Variants in CATIP observed in about 807,000 individuals in gnomAD.
CATIP encodes ciliogenesis associated TTC17 interacting protein.
A neutral mutation model predicts 42.5 loss-of-function variants in CATIP; 40 were observed. The observed-to-expected ratio is 0.94, with a 90% CI of 0.73 to 1.22. The LOEUF (loss-of-function observed/expected upper bound fraction) is 1.22. CATIP is among the 50% of genes most tolerant of loss of function. The probability of loss-of-function intolerance (pLI) is 0.00; values close to 1 mark genes in which losing one functional copy is unlikely to be tolerated. For synonymous variants in CATIP, 222 were observed against 200.2 expected, an observed-to-expected ratio of 1.11 and a Z score of -0.92; for missense variants, 489 against 496.0, an observed-to-expected ratio of 0.99 and a Z score of 0.13.
At chr2:218,357,797 T>C (rs1365287903) in intron 3 of CATIP, 63 bp downstream of exon 3, 1 of 1,513,850 alleles carries the variant, frequency 6.6e-7, no homozygotes, top group East Asian at 2.3e-5. Flanking sequence ...CCTCCACCAA[T>C]TCCTAGAATC....
chr2:218,367,395 G>T (rs779093110), intron 8 of CATIP, 35 bp from the exon 9 acceptor site: 54 of 1,586,896 alleles, frequency 3.4e-5, no homozygotes, highest in Non-Finnish European at 4.7e-5. Flanking sequence ...AGGTTCCGGG[G>T]TAGGGACGCC....
chr2:218,364,538 T>G, intron 6 of CATIP, 90 bp from the exon 7 acceptor site: 260 of 1,518,914 alleles, frequency 1.7e-4, no homozygotes, highest in Non-Finnish European at 2.1e-4. Flanking sequence ...GAGGTTGTTA[T>G]GAGATGGAGA....
At chr2:218,358,755 G>C (rs565497702) in intron 4 of CATIP, among the ~76,000 whole-genome samples, 3 of 151,544 alleles carry the variant, frequency 2.0e-5, no homozygotes, top group Non-Finnish European at 2.9e-5. Context: ...GTGGTAATGT[G>C]TGTCTGTAGT....
chr2:218,361,059 G>A (rs1430027995), intron 5 of CATIP, among the ~76,000 whole-genome samples: 2 of 151,898 alleles, frequency 1.3e-5, no homozygotes, highest in Non-Finnish European at 2.9e-5. Context: ...TCAAACTCCC[G>A]ACCTCAGGTG....
rs1248275788 is a variant in CATIP, at chr2:218,356,992, T to C, written c.25+83T>C. 16 of 1,587,756 alleles carry C rather than the reference T, an allele frequency of 1.0e-5. No individual in the cohort carries two copies. In the Admixed American group the frequency reaches 2.6e-4, roughly 25 times the overall value. On this transcript the variant is annotated intron_variant, in intron 1 of 9. Transcript: ENST00000289388. ...CCCTCGGGGTAGTCTTAGAGGATTC[T>C]GTTCTTGGGTGCTGGGGCCAGGACT...
intron 7 of CATIP, 45 bp from the exon 8 acceptor site, chr2:218,366,979 C>T (rs201849108): frequency 3.3e-5 from 47 of 1,416,138 alleles, no homozygotes; most frequent in East Asian, 2.5e-4. Context: ...CCATAGCAGG[C>T]GGTCTGGGAA....
intron 8 of CATIP, 88 bp from the exon 9 acceptor site, chr2:218,367,342 C>T (rs1695485505): frequency 7.9e-7 from 1 of 1,259,170 alleles, no homozygotes; most frequent in African/African-American, 1.5e-5. Flanking sequence ...TCACCTGAGC[C>T]TTCTGTTTGG....
chr2:218,359,930 T>G (rs1574736417), intron 4 of CATIP, among the ~76,000 whole-genome samples: 1 of 151,982 alleles, frequency 6.6e-6, no homozygotes, highest in Non-Finnish European at 1.5e-5. Context: ...GTTCAAGCAA[T>G]TCTCCTGTCT....
At chr2:218,360,119 C>G (rs1420656235) in intron 4 of CATIP, among the ~76,000 whole-genome samples, 1 of 151,246 alleles carries the variant, frequency 6.6e-6, no homozygotes, top group African/African-American at 2.4e-5. Flanking sequence ...AGCCACAACA[C>G]CTGGCCCTGC....
At chr2:218,358,153 A>T (rs1338659025) in intron 4 of CATIP, 61 bp downstream of exon 4, 10 of 1,435,626 alleles carry the variant, frequency 7.0e-6, no homozygotes, top group Non-Finnish European at 9.6e-6. Context: ...TTTTGACTTA[A>T]AAAACAGCAG....
At chr2:218,363,795 G>A (rs1695326695) in intron 6 of CATIP, among the ~76,000 whole-genome samples, 1 of 151,778 alleles carries the variant, frequency 6.6e-6, no homozygotes, top group Admixed American at 6.6e-5. Context: ...GGCAACAGAG[G>A]GAGACTCTGT....
chr2:218,357,490 C>A, intron 2 of CATIP, 44 bp from the exon 3 acceptor site: 3 of 1,548,472 alleles, frequency 1.9e-6, no homozygotes. Context: ...GATTGGGGCC[C>A]AGGAGCAGGG....
chr2:218,363,503 A>C (rs1399361987), intron 6 of CATIP, among the ~76,000 whole-genome samples: 7 of 149,822 alleles, frequency 4.7e-5, no homozygotes, highest in African/African-American at 7.4e-5. Flanking sequence ...AAAAACAAAA[A>C]AAAAAAAACG....
At chr2:218,357,259 G>GTCCCTCTCTCTCTCTCTC in intron 2 of CATIP, 72 bp downstream of exon 2, 2 of 605,428 alleles carry the variant, frequency 3.3e-6, no homozygotes, top group Non-Finnish European at 5.6e-6. Flanking sequence ...AGAAAGTCCA[G>GTCCCTCTCTCTCTCTCTC]TCTCTCTCTC....
chr2:218,367,259 C>T (rs2106319949), intron 8 of CATIP, 159 bp downstream of exon 8: 1 of 775,222 alleles, frequency 1.3e-6, no homozygotes, highest in East Asian at 2.6e-5. Flanking sequence ...TGACCCCAAG[C>T]AATAAGAGGA....
At chr2:218,367,223 C>A in intron 8 of CATIP, 123 bp downstream of exon 8, 2 of 816,060 alleles carry the variant, frequency 2.5e-6, no homozygotes, top group Non-Finnish European at 2.0e-6. Context: ...CTGGAATCAG[C>A]TGGAGAACAT....
chr2:218,361,002 G>A (rs1235442355), intron 5 of CATIP, among the ~76,000 whole-genome samples: 1 of 151,668 alleles, frequency 6.6e-6, no homozygotes, highest in African/African-American at 2.4e-5. Flanking sequence ...GGCTAATTCT[G>A]TATTTTTAGT....
chr2:218,366,074 T>A (rs1364524809), intron 7 of CATIP: 1 of 149,750 alleles, frequency 6.7e-6, no homozygotes, highest in Non-Finnish European at 1.5e-5. Flanking sequence ...CTTGGCCTCC[T>A]AAAGTGCTGG....
rs1309082195 is a variant in CATIP, at chr2:218,360,756, G to A, written c.462+97G>A. The A allele has an allele frequency of 5.4e-6, 5 of 923,728 alleles. No homozygotes were observed. In the Admixed American group the frequency reaches 1.0e-4, roughly 19 times the overall value. The allele number at this position is 923,728 out of a possible 1,614,324, so 57.2% of individuals were successfully genotyped here. A position where few individuals can be genotyped will look rare whatever the true frequency, so the allele number is the denominator to read the frequency against. On this transcript the variant is annotated intron_variant, in intron 5 of 9. Coordinates refer to ENST00000289388, the MANE Select transcript of CATIP (RefSeq NM_198559.2). Reference sequence around the variant, plus strand: ...AATTTAGAGAGTTTATTTTGCCAAGGTTAAGGACGCGCACATGACACAGCC... The same window carrying A: ...AATTTAGAGAGTTTATTTTGCCAAGATTAAGGACGCGCACATGACACAGCC...
Sources: gnomAD v4.1 joint callset for allele counts (sites outside exome capture counted in the v4.1 genomes callset) on GRCh38, gnomAD v4.1.1 for gene constraint, MANE v1.5 for transcripts, NCBI Gene and HGNC (gene_info 2026-07-23, HGNC 2026-07-21) for gene names.